Variants in TNIK observed in about 807,000 individuals in gnomAD.
TNIK encodes the protein TRAF2 and NCK interacting kinase.
A neutral mutation model predicts 191.3 loss-of-function variants in TNIK; 49 were observed. The ratio of observed to expected loss-of-function variants is 0.26; its 90% CI spans 0.20 to 0.32. TNIK has a LOEUF of 0.32. Among genes scored for constraint, TNIK ranks in the 10% least tolerant of loss-of-function variants. TNIK has a pLI of 1.00. For missense variants in TNIK, 1,155 were observed against 1,702.3 expected (o/e 0.68, Z 5.66); for synonymous variants, 594 against 600.9 (o/e 0.99, Z 0.17).
chr3:171,354,761 A>C (rs1198122888), intron 2 of TNIK, among the ~76,000 whole-genome samples: 1 of 152,204 alleles, frequency 6.6e-6, no homozygotes, highest in African/African-American at 2.4e-5. Context: ...TCTTACTTTT[A>C]GCTATTCACA....
At chr3:171,414,279 C>T (rs1389515904) in intron 1 of TNIK, among the ~76,000 whole-genome samples, 1 of 152,196 alleles carries the variant, frequency 6.6e-6, no homozygotes, top group African/African-American at 2.4e-5. Flanking sequence ...TCCCTTAGTT[C>T]AGATATGCTG....
chr3:171,204,001 C>T (rs577740118), intron 4 of TNIK, among the ~76,000 whole-genome samples: 2 of 152,284 alleles, frequency 1.3e-5, no homozygotes, highest in South Asian at 2.1e-4. Context: ...TCAAAAAAGA[C>T]AGCAAAATAT....
chr3:171,295,686 C>A (rs989414919), intron 2 of TNIK, among the ~76,000 whole-genome samples: 1 of 151,914 alleles, frequency 6.6e-6, no homozygotes, highest in African/African-American at 2.4e-5. Flanking sequence ...ACATTTTACA[C>A]TGTGGCTGCC....
At chr3:171,071,167 G>T in intron 29 of TNIK, 56 bp downstream of exon 29, 1 of 1,390,260 alleles carries the variant, frequency 7.2e-7, no homozygotes, top group Non-Finnish European at 9.8e-7. Flanking sequence ...TTTATTAATG[G>T]GTAGAAACGG....
intron 1 of TNIK, among the ~76,000 whole-genome samples, chr3:171,418,018 T>C (rs10936685): frequency 0.74 from 112,245 of 152,006 alleles, 41,597 homozygotes; most frequent in Middle Eastern, 0.82. Context: ...ATGTGTGGTC[T>C]GGGTCCAGCC....
At chr3:171,137,108 C>CTTTTTTTTTTTTT (rs71176593) in intron 15 of TNIK, among the ~76,000 whole-genome samples, 3 of 104,158 alleles carry the variant, frequency 2.9e-5, no homozygotes, top group African/African-American at 7.6e-5. Flanking sequence ...TTTAAAAATC[C>CTTTTTTTTTTTTT]TTTTTTTTTT....
intron 4 of TNIK, among the ~76,000 whole-genome samples, chr3:171,195,913 G>C (rs1738624118): frequency 6.6e-6 from 1 of 152,142 alleles, no homozygotes; most frequent in Non-Finnish European, 1.5e-5. Flanking sequence ...ACAAAATCAT[G>C]TCAAAAAGGA....
chr3:171,264,067 TAC>T (rs760319253), intron 2 of TNIK, among the ~76,000 whole-genome samples: 3,330 of 110,644 alleles, frequency 0.03, 65 homozygotes, highest in East Asian at 0.059. Flanking sequence ...TATATATACA[TAC>T]ACACACACAC....
chr3:171,342,247 A>C (rs2108404931), intron 2 of TNIK, among the ~76,000 whole-genome samples: 1 of 152,346 alleles, frequency 6.6e-6, no homozygotes, highest in Middle Eastern at 3.4e-3. Flanking sequence ...TCAGGTCTAA[A>C]GTGGGACCAG....
chr3:171,126,271 G>T (rs1248296146), intron 16 of TNIK, 120 bp from the exon 17 acceptor site: 1 of 1,275,546 alleles, frequency 7.8e-7, no homozygotes, highest in Non-Finnish European at 1.0e-6. Context: ...GGACTATAGA[G>T]AGTCTATCAC....
intron 2 of TNIK, among the ~76,000 whole-genome samples, chr3:171,312,146 T>C (rs1577438023): frequency 1.0e-5 from 1 of 95,828 alleles, no homozygotes; most frequent in Non-Finnish European, 2.0e-5. Flanking sequence ...AAAAAAGGGC[T>C]AGACTGGCAT....
intron 4 of TNIK, among the ~76,000 whole-genome samples, chr3:171,198,542 A>C (rs1739007525): frequency 6.6e-6 from 1 of 152,174 alleles, no homozygotes; most frequent in Non-Finnish European, 1.5e-5. Context: ...AATTTAGGTA[A>C]ATTTTATGTT....
intron 1 of TNIK, among the ~76,000 whole-genome samples, chr3:171,429,871 C>T (rs1041664760): frequency 3.9e-5 from 6 of 152,148 alleles, no homozygotes; most frequent in Admixed American, 6.5e-5. Context: ...ATTCCTCCCC[C>T]GAACACCCTG....
intron 22 of TNIK, among the ~76,000 whole-genome samples, chr3:171,098,550 G>A (rs756413178): frequency 6.6e-6 from 1 of 152,130 alleles, no homozygotes; most frequent in Non-Finnish European, 1.5e-5. Flanking sequence ...CCAGCACAGT[G>A]CATAGAAAAA....
At chr3:171,140,288 A>G in intron 13 of TNIK, 111 bp downstream of exon 13, 2 of 884,578 alleles carry the variant, frequency 2.3e-6, no homozygotes, top group Non-Finnish European at 3.4e-6. Flanking sequence ...GAGGAAGAGT[A>G]AAAACCCATG....
chr3:171,427,241 A>G (rs1293776314), intron 1 of TNIK, among the ~76,000 whole-genome samples: 1 of 152,154 alleles, frequency 6.6e-6, no homozygotes, highest in African/African-American at 2.4e-5. Flanking sequence ...CTCAGCAGAA[A>G]AGCTGGCTTC....
chr3:171,222,195 C>G (rs1174642997), intron 3 of TNIK, among the ~76,000 whole-genome samples: 1 of 152,154 alleles, frequency 6.6e-6, no homozygotes, highest in African/African-American at 2.4e-5. Flanking sequence ...TGGCAATACT[C>G]TCTCATTTCT....
intron 1 of TNIK, among the ~76,000 whole-genome samples, chr3:171,432,895 G>T (rs1725545236): frequency 6.6e-6 from 1 of 151,990 alleles, no homozygotes; most frequent in South Asian, 2.1e-4. Flanking sequence ...AAGCATCCTT[G>T]AAAAACAATG....
intron 3 of TNIK, among the ~76,000 whole-genome samples, chr3:171,213,551 C>T (rs1404506962): frequency 1.3e-5 from 2 of 152,020 alleles, no homozygotes; most frequent in African/African-American, 2.4e-5. Context: ...CTATAAAAAG[C>T]TCACCATGTC....
Sources: allele counts gnomAD v4.1 joint callset (sites outside exome capture counted in the v4.1 genomes callset), GRCh38; gene constraint gnomAD v4.1.1; transcripts MANE v1.5; gene names NCBI Gene and HGNC (gene_info 2026-07-23, HGNC 2026-07-21).